Variants in PRKAR1A observed in about 807,000 individuals in gnomAD.
PRKAR1A encodes protein kinase cAMP-dependent type I regulatory subunit alpha, also known as cAMP-dependent protein kinase type I-alpha regulatory subunit.
Under a neutral mutation model 52.0 loss-of-function variants are expected in PRKAR1A, and 3 were observed. That is an observed-to-expected ratio of 0.06 (90% CI 0.03 to 0.15). The LOEUF is 0.15. PRKAR1A is among the 10% of genes least tolerant of loss of function. The probability of loss-of-function intolerance (pLI) is 1.00; values close to 1 mark genes in which losing one functional copy is unlikely to be tolerated. For synonymous variants in PRKAR1A, 188 were observed against 168.4 expected, an observed-to-expected ratio of 1.12 and a Z score of -0.90; for missense variants, 240 against 477.4, an observed-to-expected ratio of 0.50 and a Z score of 4.63.
chr17:68,443,191 G>A, the PRKAR1A span, among the ~76,000 whole-genome samples: 2 of 152,032 alleles, frequency 1.3e-5, no homozygotes, highest in Admixed American at 6.5e-5. Flanking sequence ...GCTCACTGAA[G>A]CCTCCGCCTC....
the PRKAR1A span, chr17:68,435,712 TC>T: frequency 2.5e-6 from 4 of 1,614,174 alleles, no homozygotes; most frequent in Non-Finnish European, 3.4e-6. Context: ...CAGACTGTTT[TC>T]TGTTGGTGAA....
chr17:68,434,665 TG>T, the PRKAR1A span: 1 of 1,607,556 alleles, frequency 6.2e-7, no homozygotes, highest in Non-Finnish European at 8.5e-7. Flanking sequence ...TAACCATTAG[TG>T]GCTTTACACA....
the PRKAR1A span, chr17:68,427,307 A>C: frequency 7.5e-7 from 1 of 1,340,864 alleles, no homozygotes; most frequent in Non-Finnish European, 1.1e-6. Context: ...TCATATATCT[A>C]GGACACCTTC....
At chr17:68,549,786 A>G (rs2086748102) in intron 11 of PRKAR1A, among the ~76,000 whole-genome samples, 2 of 151,018 alleles carry the variant, frequency 1.3e-5, no homozygotes, top group Admixed American at 1.3e-4. Context: ...GCATTGTGCC[A>G]AAGAGTCACA....
At chr17:68,424,705 G>T in the PRKAR1A span, among the ~76,000 whole-genome samples, 1 of 152,100 alleles carries the variant, frequency 6.6e-6, no homozygotes, top group South Asian at 2.1e-4. Flanking sequence ...GTGAAACCCC[G>T]TCTCTACTAA....
intron 2 of PRKAR1A, 116 bp from the exon 3 acceptor site, chr17:68,522,640 A>C (rs1600478141): frequency 1.4e-6 from 1 of 701,346 alleles, no homozygotes; most frequent in Non-Finnish European, 2.1e-6. Flanking sequence ...CTCTTAACTT[A>C]CATTGTTAAT....
exon 12 of PRKAR1A, chr17:68,551,154 A>C (rs1158731785): frequency 1.1e-5 from 13 of 1,230,854 alleles, no homozygotes; most frequent in Non-Finnish European, 1.3e-5. Flanking sequence ...AGGAGACCCT[A>C]ACCTGTGGGC....
chr17:68,472,107 A>G, the PRKAR1A span, among the ~76,000 whole-genome samples: 115,070 of 152,140 alleles, frequency 0.76, 43,917 homozygotes, highest in Middle Eastern at 0.8. Flanking sequence ...CCCAGCCTGC[A>G]CTGCCTAGTT....
chr17:68,480,765 G>T, the PRKAR1A span, among the ~76,000 whole-genome samples: 1 of 152,150 alleles, frequency 6.6e-6, no homozygotes, highest in Non-Finnish European at 1.5e-5. Flanking sequence ...CCCCAGGCTG[G>T]TCTCGAACTT....
upstream of PRKAR1A, among the ~76,000 whole-genome samples, chr17:68,510,159 C>CAGAGAGAGAG (rs35144524): frequency 0.029 from 3,733 of 127,542 alleles, 129 homozygotes; most frequent in East Asian, 0.075. Context: ...TATATGTAGA[C>CAGAGAGAGAG]AGAGAGAGAG....
At chr17:68,540,040 AG>A in intron 11 of PRKAR1A, 2 of 1,279,796 alleles carry the variant, frequency 1.6e-6, no homozygotes, top group East Asian at 4.7e-5. Context: ...AGTTCTCTCC[AG>A]GGAACGGAGG....
chr17:68,532,079 G>GTT lies in PRKAR1A; in HGVS notation c.*1633_*1634dup, dbSNP rs1398116656. On this transcript the variant is annotated 3_prime_UTR_variant, in exon 11 of 11. Coordinates refer to ENST00000589228, the MANE Select transcript of PRKAR1A (RefSeq NM_002734.5). Reference sequence around the variant, plus strand: ...TATGAAGTATAAATCTGGGGAAGAGGTTTTATTTACATTTTAGGGTGGGTA... The same window carrying GTT: ...TATGAAGTATAAATCTGGGGAAGAGGTTTTTTATTTACATTTTAGGGTGGGTA... 1 of 1,064,958 alleles carries GTT rather than the reference G, an allele frequency of 9.4e-7. No homozygotes were observed. The highest frequency in any genetic ancestry group is 1.6e-5 in the African/African-American group (1 of 61,010). 66.0% of individuals were successfully genotyped at this position (1,064,958 alleles called of 1,614,324 possible). A position where few individuals can be genotyped will look rare whatever the true frequency, so the allele number is the denominator to read the frequency against.
At chr17:68,517,998 ATTAAATC>A (rs1294505913) in intron 2 of PRKAR1A, among the ~76,000 whole-genome samples, 4 of 152,216 alleles carry the variant, frequency 2.6e-5, no homozygotes, top group Non-Finnish European at 5.9e-5. Flanking sequence ...CGAGGCAGTA[ATTAAATC>A]TTAAAGTTGC....
intron 11 of PRKAR1A, chr17:68,542,218 A>G: frequency 1.3e-6 from 2 of 1,595,046 alleles, no homozygotes; most frequent in Non-Finnish European, 1.7e-6. Flanking sequence ...TGGAGGCATG[A>G]CATCTTCCTG....
At chr17:68,460,154 A>T in the PRKAR1A span, among the ~76,000 whole-genome samples, 9 of 152,324 alleles carry the variant, frequency 5.9e-5, no homozygotes. Context: ...TAAATATTGA[A>T]TATCCGGTGT....
intron 11 of PRKAR1A, among the ~76,000 whole-genome samples, chr17:68,548,725 ATTTTTTTTT>A (rs753348891): frequency 1.3e-5 from 1 of 79,158 alleles, no homozygotes; most frequent in African/African-American, 5.5e-5. Context: ...ATGCCTGTAT[ATTTTTTTTT>A]TTTTTTTTTT....
chr17:68,541,062 C>A, intron 11 of PRKAR1A: 1 of 1,513,386 alleles, frequency 6.6e-7, no homozygotes, highest in Admixed American at 2.0e-5. Context: ...CTCCCTGATC[C>A]TGCCCTGGGC....
At chr17:68,481,724 C>T in the PRKAR1A span, among the ~76,000 whole-genome samples, 22 of 152,118 alleles carry the variant, frequency 1.4e-4, 1 homozygote, top group Admixed American at 1.4e-3. Context: ...TTCATACAGC[C>T]ATTCATTCAT....
At chr17:68,444,722 G>T in the PRKAR1A span, 2 of 661,402 alleles carry the variant, frequency 3.0e-6, no homozygotes, top group Non-Finnish European at 5.0e-6. Flanking sequence ...GATGCATTTT[G>T]AAGATTGTGT....
Sources: allele counts gnomAD v4.1 joint callset (sites outside exome capture counted in the v4.1 genomes callset), GRCh38; gene constraint gnomAD v4.1.1; transcripts MANE v1.5; gene names NCBI Gene and HGNC (gene_info 2026-07-23, HGNC 2026-07-21).